The following RHBDD1 variants were observed in gnomAD, a reference collection of about 807,000 sequenced individuals.
RHBDD1 encodes the protein rhomboid-related protein 4.
Under a neutral mutation model 36.3 loss-of-function variants are expected in RHBDD1, and 38 were observed. The ratio of observed to expected loss-of-function variants is 1.05; its 90% CI spans 0.81 to 1.37. The LOEUF (loss-of-function observed/expected upper bound fraction) is 1.37. RHBDD1 is among the 40% of genes most tolerant of loss of function. RHBDD1 has a pLI of 0.00. For missense variants in RHBDD1, 393 were observed against 377.6 expected (o/e 1.04, Z -0.34); for synonymous variants, 151 against 136.5 (o/e 1.11, Z -0.74).
intron 8 of RHBDD1, among the ~76,000 whole-genome samples, chr2:226,947,317 A>G (rs570084231): frequency 6.6e-6 from 1 of 151,970 alleles, no homozygotes; most frequent in African/African-American, 2.4e-5. Context: ...AGCTTCCTAC[A>G]TATGGCTAGC....
rs745600546 is a variant in RHBDD1, at chr2:226,903,228, TC to T, written c.567-3564del. Among the ~76,000 whole-genome samples, 3 of 152,220 alleles carry T rather than the reference TC, an allele frequency of 2.0e-5. No individual in the cohort carries two copies. The East Asian group carries it at 5.8e-4, about 29-fold the overall frequency. On this transcript the variant is annotated intron_variant, in intron 5 of 8. Transcript: ENST00000392062. ...GTCCCCCTTATCTGTGATTTTGCCT[TC>T]TGCATTTTTAGTTAGCCCCAGTCAA...
chr2:226,978,496 T>G (rs1954990418), intron 8 of RHBDD1, among the ~76,000 whole-genome samples: 1 of 152,190 alleles, frequency 6.6e-6, no homozygotes, highest in African/African-American at 2.4e-5. Flanking sequence ...CTCAAGAAAC[T>G]GCCCACCTAC....
chr2:226,923,304 A>AT (rs34995878), intron 8 of RHBDD1, among the ~76,000 whole-genome samples: 1 of 151,478 alleles, frequency 6.6e-6, no homozygotes. Context: ...TATAGGATAA[A>AT]TTTTTTTTTC....
At chr2:226,961,726 C>T (rs956477048) in intron 8 of RHBDD1, among the ~76,000 whole-genome samples, 1 of 152,076 alleles carries the variant, frequency 6.6e-6, no homozygotes, top group Non-Finnish European at 1.5e-5. Context: ...GTGTTTCCAC[C>T]CCCATCCAGA....
At chr2:226,804,480 T>C in the RHBDD1 span, 1 of 152,232 alleles carries the variant, frequency 6.6e-6, no homozygotes, top group Admixed American at 6.5e-5. Context: ...GAGCAGGCAA[T>C]GACCCAAACC....
chr2:226,989,564 T>C (rs1226580523), intron 8 of RHBDD1, among the ~76,000 whole-genome samples: 3 of 152,224 alleles, frequency 2.0e-5, no homozygotes, highest in Non-Finnish European at 4.4e-5. Flanking sequence ...AGTGAGCATG[T>C]AGCAATTGTC....
At chr2:226,933,143 GC>G (rs1950135092) in intron 8 of RHBDD1, among the ~76,000 whole-genome samples, 1 of 151,992 alleles carries the variant, frequency 6.6e-6, no homozygotes. Flanking sequence ...GGAAGAAACC[GC>G]CCCTGTGATC....
At chr2:226,816,885 C>T in the RHBDD1 span, among the ~76,000 whole-genome samples, 3 of 150,824 alleles carry the variant, frequency 2.0e-5, no homozygotes, top group East Asian at 2.0e-4. Flanking sequence ...CAGCGCAAGA[C>T]GCCATCTCAA....
intron 8 of RHBDD1, among the ~76,000 whole-genome samples, chr2:226,938,728 T>A (rs1346160972): frequency 6.6e-6 from 1 of 151,582 alleles, no homozygotes; most frequent in Non-Finnish European, 1.5e-5. Flanking sequence ...GTTGAAACTA[T>A]TACAAAAAAA....
At chr2:226,938,515 A>G (rs1319447448) in intron 8 of RHBDD1, among the ~76,000 whole-genome samples, 1 of 152,168 alleles carries the variant, frequency 6.6e-6, no homozygotes, top group East Asian at 1.9e-4. Flanking sequence ...AGTAAATTGG[A>G]AAATCTAGGA....
At chr2:226,818,187 TCTCA>T in the RHBDD1 span, among the ~76,000 whole-genome samples, 1 of 134,358 alleles carries the variant, frequency 7.4e-6, no homozygotes, top group East Asian at 2.2e-4. Flanking sequence ...TGAGATGGAG[TCTCA>T]CTCTGTCGCC....
At chr2:226,856,313 AT>A (rs1943320574) in intron 3 of RHBDD1, among the ~76,000 whole-genome samples, 1 of 152,164 alleles carries the variant, frequency 6.6e-6, no homozygotes, top group African/African-American at 2.4e-5. Context: ...CAGTTAATAA[AT>A]TCGTGTTTTT....
intron 8 of RHBDD1, among the ~76,000 whole-genome samples, chr2:226,982,438 G>C (rs1955981886): frequency 6.6e-6 from 1 of 152,166 alleles, no homozygotes; most frequent in Admixed American, 6.5e-5. Context: ...TACTAATCAG[G>C]CTTATGGTAG....
At chr2:226,944,014 T>C (rs1056593907) in intron 8 of RHBDD1, among the ~76,000 whole-genome samples, 5 of 152,224 alleles carry the variant, frequency 3.3e-5, no homozygotes, top group African/African-American at 1.2e-4. Context: ...CATTGGCCTG[T>C]GTTGACAGCT....
intron 5 of RHBDD1, among the ~76,000 whole-genome samples, chr2:226,903,609 G>A (rs1177028444): frequency 6.6e-6 from 1 of 152,126 alleles, no homozygotes; most frequent in South Asian, 2.1e-4. Flanking sequence ...GGGAAAAAAT[G>A]TTCAATCCCA....
chr2:226,907,062 G>A (rs952363144), intron 6 of RHBDD1, 181 bp downstream of exon 6: 2 of 662,562 alleles, frequency 3.0e-6, no homozygotes, highest in South Asian at 1.8e-5. Flanking sequence ...CTCCACAAAA[G>A]AGGCTGCAAA....
At chr2:226,850,387 GC>G (rs1942691303) in intron 3 of RHBDD1, among the ~76,000 whole-genome samples, 1 of 152,140 alleles carries the variant, frequency 6.6e-6, no homozygotes. Context: ...AGGTCTTTTA[GC>G]AAGGGTCCTC....
intron 8 of RHBDD1, among the ~76,000 whole-genome samples, chr2:226,947,858 C>T (rs1287304672): frequency 6.6e-6 from 1 of 152,076 alleles, no homozygotes; most frequent in Non-Finnish European, 1.5e-5. Flanking sequence ...AAATCAAAAC[C>T]ACTATGAGAT....
At chr2:226,824,175 CAT>C in the RHBDD1 span, among the ~76,000 whole-genome samples, 35 of 152,010 alleles carry the variant, frequency 2.3e-4, no homozygotes, top group South Asian at 6.2e-4. Context: ...TATATACACA[CAT>C]ATGAGAGAGA....
Sources: allele counts gnomAD v4.1 joint callset (sites outside exome capture counted in the v4.1 genomes callset), GRCh38; gene constraint gnomAD v4.1.1; transcripts MANE v1.5; gene names NCBI Gene and HGNC (gene_info 2026-07-23, HGNC 2026-07-21).